ZNF154: variants seen among roughly 807,000 people sequenced by gnomAD.
ZNF154 encodes the protein zinc finger protein 154 (pHZ-92).
In ZNF154, 6 loss-of-function variants were observed where a neutral mutation model predicts 7.5. The observed-to-expected ratio is 0.80, with a 90% CI of 0.44 to 1.57. The LOEUF (loss-of-function observed/expected upper bound fraction) is 1.57, where lower values mean the gene tolerates loss of function less well. ZNF154 is among the 40% of genes most tolerant of loss of function. The pLI is 0.01. For synonymous variants in ZNF154, 187 were observed against 185.9 expected (o/e 1.01, Z -0.05); for missense variants, 485 against 531.4 (o/e 0.91, Z 0.86).
intron 1 of ZNF154, among the ~76,000 whole-genome samples, chr19:57,708,583 A>G (rs1985492844): frequency 6.6e-6 from 1 of 152,160 alleles, no homozygotes; most frequent in Non-Finnish European, 1.5e-5. Context: ...CAAAGAAAAA[A>G]AAACTAACAT....
At chr19:57,704,361 A>G (rs1052464231) in intron 2 of ZNF154, among the ~76,000 whole-genome samples, 3 of 152,216 alleles carry the variant, frequency 2.0e-5, no homozygotes, top group Non-Finnish European at 4.4e-5. Flanking sequence ...AACTCAGCAC[A>G]TGACAGCCCA....
intron 1 of ZNF154, among the ~76,000 whole-genome samples, chr19:57,707,037 C>T (rs1366951452): frequency 6.2e-5 from 9 of 145,768 alleles, no homozygotes; most frequent in African/African-American, 1.3e-4. Flanking sequence ...TGCTTGAAGC[C>T]GGGAGGCGGA....
At chr19:57,708,844 C>T (rs949833822) in intron 1 of ZNF154, 95 bp downstream of exon 1, 55 of 1,503,492 alleles carry the variant, frequency 3.7e-5, no homozygotes, top group Non-Finnish European at 4.7e-5. Flanking sequence ...TGTCCCCGAC[C>T]CTGGGCAGCG....
At position 57,708,938 on chromosome 19, in the gene ZNF154, C is replaced by A. The variant is rs1010907438; in HGVS notation, c.33+1G>T. On this transcript the variant is annotated splice_donor_variant, in intron 1 of 2. Coordinates refer to ENST00000684351, the MANE Select transcript of ZNF154 (RefSeq NM_001085384.3). LOFTEE classifies it high-confidence loss of function. ...TGAGGACGGGAAGACGCCGCACTCACCTGAGTTGGCGTCCTCAGAGTGGCC... is the reference window on the plus strand; with the variant it reads ...TGAGGACGGGAAGACGCCGCACTCAACTGAGTTGGCGTCCTCAGAGTGGCC... 5 of 1,561,098 alleles carry A rather than the reference C, an allele frequency of 3.2e-6. No homozygotes were observed. In the Admixed American group the frequency reaches 7.7e-5, roughly 24 times the overall value.
rs2122424835 is a variant in ZNF154 at position 57,709,107 on chromosome 19, G to A, written c.-136C>T. 7 of 1,237,400 alleles carry A rather than the reference G, an allele frequency of 5.7e-6. No homozygotes were observed. In the Admixed American group the frequency reaches 6.4e-5, roughly 11 times the overall value. The allele number at this position is 1,237,400 out of a possible 1,614,324, so 76.7% of individuals were successfully genotyped here. A position where few individuals can be genotyped will look rare whatever the true frequency, so the allele number is the denominator to read the frequency against. ...AAGGCTTAGACGCTTTCGTGCAGGA[G>A]GGACGACGACTCCCCTCACGCCTTC... On this transcript the variant is annotated 5_prime_UTR_variant, in exon 1 of 3. Coordinates refer to ENST00000684351, the MANE Select transcript of ZNF154 (RefSeq NM_001085384.3).
intron 1 of ZNF154, among the ~76,000 whole-genome samples, chr19:57,705,770 GAA>G (rs1167015084): frequency 9.6e-6 from 1 of 104,174 alleles, no homozygotes; most frequent in African/African-American, 3.5e-5. Context: ...AAAAAAAAAA[GAA>G]AGATGATATA....
rs573314289 is a variant in ZNF154, at chr19:57,698,091, A to G, written c.*3544T>C. On this transcript the variant is annotated 3_prime_UTR_variant, in exon 3 of 3. Coordinates refer to ENST00000684351, the MANE Select transcript of ZNF154 (RefSeq NM_001085384.3). ...TGAATAAACGAATACTGGTATATCC[A>G]CAGAACATCATACTTCTCAGCAATA... 304 of 152,316 alleles carry G rather than the reference A, an allele frequency of 2.0e-3. 2 individuals carry two copies. The highest frequency in any genetic ancestry group is 7.0e-3 in the African/African-American group (292 of 41,576). 9.4% of individuals were successfully genotyped at this position (152,316 alleles called of 1,614,324 possible). A position where few individuals can be genotyped will look rare whatever the true frequency, so the allele number is the denominator to read the frequency against.
chr19:57,697,499 C>T lies in ZNF154; in HGVS notation c.*4136G>A, dbSNP rs1327236104. ...AAGCTATTAAATATACATTTGGATC[C>T]TGAATAAAAATGATCTTCCTTAAGA... On this transcript the variant is annotated 3_prime_UTR_variant, in exon 3 of 3. Coordinates refer to ENST00000684351, the MANE Select transcript of ZNF154 (RefSeq NM_001085384.3). 1 of 152,068 alleles carries T rather than the reference C, an allele frequency of 6.6e-6. No homozygotes were observed. The highest frequency in any genetic ancestry group is 2.4e-5 in the African/African-American group (1 of 41,406). 9.4% of individuals were successfully genotyped at this position (152,068 alleles called of 1,614,324 possible).
At chr19:57,705,766 A>AG (rs1985361721) in intron 1 of ZNF154, among the ~76,000 whole-genome samples, 1 of 149,672 alleles carries the variant, frequency 6.7e-6, no homozygotes, top group African/African-American at 2.5e-5. Flanking sequence ...AAAAAAAAAA[A>AG]AAAGAAAGAT....
chr19:57,704,708 A>T, intron 2 of ZNF154, 145 bp downstream of exon 2: 1 of 1,134,946 alleles, frequency 8.8e-7, no homozygotes, highest in Non-Finnish European at 1.2e-6. Context: ...TGCACACCTT[A>T]GTCTTACCAA....
At position 57,702,664 on chromosome 19, in the gene ZNF154, C is replaced by A; in HGVS notation, c.285G>T (p.Gly95=). ...SGEPSTCREV[G]KDFLAKLGFL... is the part of the protein sequence containing the mutation. ...ATCCCAACTTGGCCAGGAAGTCCTT[C>A]CCAACTTCTCTGCAGGTGGAAGGCT... is the stretch of plus-strand genomic sequence containing the variant. The change falls in exon 3 of 3, where the codon GGG becomes GGT. Residue 95 remains glycine, a synonymous_variant. Transcript: ENST00000684351. The A allele has an allele frequency of 6.2e-7, 1 of 1,613,670 alleles. No individual in the cohort carries two copies. Among genetic ancestry groups the A allele is most frequent in the Non-Finnish European group, 8.5e-7 (1 of 1,179,858 alleles).
At chr19:57,708,327 G>A (rs1385853166) in intron 1 of ZNF154, among the ~76,000 whole-genome samples, 1 of 152,162 alleles carries the variant, frequency 6.6e-6, no homozygotes, top group Non-Finnish European at 1.5e-5. Flanking sequence ...CAGCACTTTG[G>A]GAGGCCGAGG....
In ZNF154 at chr19:57,702,501, G is replaced by C. The variant is rs369139854; in HGVS notation, c.448C>G (p.Gln150Glu). ...KAFSGKHTLVQQQRTLTTERC... is the reference protein window; with the variant it reads ...KAFSGKHTLVEQQRTLTTERC... ...TCTGTAGTGAGGGTTCTCTGCTGCTGAACAAGTGTGTGTTTACCGCTGAAT... is the reference window on the plus strand; with the variant it reads ...TCTGTAGTGAGGGTTCTCTGCTGCTCAACAAGTGTGTGTTTACCGCTGAAT... The change falls in exon 3 of 3, where the codon CAG (glutamine) becomes GAG (glutamate). Residue 150 changes from glutamine (Q) to glutamate (E), a missense_variant. Transcript: ENST00000684351. 34 of 1,614,102 alleles carry C rather than the reference G, an allele frequency of 2.1e-5. No homozygotes were observed. The highest frequency in any genetic ancestry group is 1.6e-4 in the Middle Eastern group (1 of 6,084).
rs771211786 is a variant in ZNF154 at position 57,701,785 on chromosome 19, A to G, written c.1164T>C (p.Ser388=). 3 of 1,613,222 alleles carry G rather than the reference A, an allele frequency of 1.9e-6. No individual in the cohort carries two copies. The highest frequency in any genetic ancestry group is 2.5e-6 in the Non-Finnish European group (3 of 1,179,874). The change falls in exon 3 of 3, where the codon AGT becomes AGC. Residue 388 remains serine (S), a synonymous_variant. Coordinates refer to ENST00000684351, the MANE Select transcript of ZNF154 (RefSeq NM_001085384.3). ...TTTGAGTAAAGGATTTCCCACATTCACTGCACTCATAGGGTCTTGATCCAG... is the reference window on the plus strand; with the variant it reads ...TTTGAGTAAAGGATTTCCCACATTCGCTGCACTCATAGGGTCTTGATCCAG... The part of the protein sequence containing the change: ...VHTGSRPYEC[S]ECGKSFTQNS...
At chr19:57,704,822 C>T (rs766095855) in intron 2 of ZNF154, 31 bp downstream of exon 2, 1 of 1,604,178 alleles carries the variant, frequency 6.2e-7, no homozygotes, top group Non-Finnish European at 8.5e-7. Context: ...CAGACTAGCT[C>T]AGGGCACAGG....
Position 57,702,014 on chromosome 19 carries a change from T to C in ZNF154, c.935A>G (p.Gln312Arg). 1 of 1,613,974 alleles carries C rather than the reference T, an allele frequency of 6.2e-7. No individual in the cohort carries two copies. The highest frequency in any genetic ancestry group is 1.1e-5 in the South Asian group (1 of 91,074). Residue 312 changes from glutamine to arginine, a missense_variant, in exon 3 of 3, where the codon CAA becomes CGA. Gln to Arg is a conservative substitution (Grantham distance 43). Transcript: ENST00000684351. ...ATGGTGTTCAATGAGGCTAGAGTTT[T>C]GGCTAAATGACTTCCCACATTCGCT... ...ECSECGKSFS[Q>R]NSSLIEHHRV...
rs188011567 is a variant in ZNF154, at chr19:57,702,036, C to T, written c.913G>A (p.Glu305Lys). 9.9e-5 allele frequency: 159 copies of T among 1,613,982 alleles called. 2 individuals are homozygous for T. The East Asian group carries it at 2.5e-3, about 25-fold the overall frequency. ...HSGSRPYECS[E>K]CGKSFSQNSS... The stretch of plus-strand genomic sequence containing the variant: ...TTTTGGCTAAATGACTTCCCACATT[C>T]GCTGCACTCATAAGGCCTGGATCCA... The change falls in exon 3 of 3, where the codon GAA (glutamate) becomes AAA (lysine). Residue 305 changes from glutamate to lysine, a missense_variant. By Grantham distance (56) the Glu-to-Lys change is moderately conservative. Transcript: ENST00000684351.
chr19:57,705,707 T>C (rs1985356307), intron 1 of ZNF154, among the ~76,000 whole-genome samples: 1 of 150,960 alleles, frequency 6.6e-6, no homozygotes, highest in Non-Finnish European at 1.5e-5. Flanking sequence ...TGAGCCAAGA[T>C]TGCGAAACTG....
At chr19:57,705,438 AAC>A (rs1442309513) in intron 1 of ZNF154, among the ~76,000 whole-genome samples, 2 of 152,178 alleles carry the variant, frequency 1.3e-5, no homozygotes, top group Non-Finnish European at 2.9e-5. Context: ...GATATGGACA[AAC>A]ACACAATACC....
Sources: gnomAD v4.1 joint callset for allele counts (sites outside exome capture counted in the v4.1 genomes callset) on GRCh38, gnomAD v4.1.1 for gene constraint, MANE v1.5 for transcripts, NCBI Gene and HGNC (gene_info 2026-07-23, HGNC 2026-07-21) for gene names.